Variants in DGKB observed in about 807,000 individuals in gnomAD.
DGKB encodes the protein diacylglycerol kinase beta.
Under a neutral mutation model 114.3 loss-of-function variants are expected in DGKB, and 67 were observed. The observed-to-expected ratio is 0.59, with a 90% CI of 0.48 to 0.72. DGKB has a LOEUF of 0.72. Among genes scored for constraint, DGKB ranks in the 30% least tolerant of loss-of-function variants. DGKB has a pLI of 0.00. For synonymous variants in DGKB, 398 were observed against 323.1 expected (o/e 1.23, Z -2.49); for missense variants, 907 against 975.2 (o/e 0.93, Z 0.93).
At chr7:14,470,014 T>C (rs1781042856) in intron 21 of DGKB, among the ~76,000 whole-genome samples, 1 of 151,938 alleles carries the variant, frequency 6.6e-6, no homozygotes, top group South Asian at 2.1e-4. Flanking sequence ...AAAACTGGCC[T>C]CATGATAATG....
chr7:14,544,724 A>G lies in DGKB; in HGVS notation c.1770+29488T>C, dbSNP rs534300735. ...AAAACATTGGAGTCTGGATAATAGT[A>G]ATGATAATAAAAACTTGACATGTTG... On this transcript the variant is annotated intron_variant, in intron 20 of 25. Coordinates refer to ENST00000402815, the MANE Select transcript of DGKB (RefSeq NM_001350709.2). 2.6e-5 allele frequency among the ~76,000 whole-genome samples: 4 copies of G among 152,314 alleles called. No homozygotes were observed. In the East Asian group the frequency reaches 7.7e-4, roughly 29 times the overall value.
intron 23 of DGKB, among the ~76,000 whole-genome samples, chr7:14,187,104 G>C (rs1307030478): frequency 6.6e-6 from 1 of 152,120 alleles, no homozygotes; most frequent in Non-Finnish European, 1.5e-5. Flanking sequence ...CCTTAAAATA[G>C]TCCAGCAAAC....
intron 13 of DGKB, among the ~76,000 whole-genome samples, chr7:14,644,622 G>A (rs1001292057): frequency 1.3e-4 from 20 of 152,032 alleles, no homozygotes; most frequent in African/African-American, 4.8e-4. Context: ...CTTAAAGACA[G>A]ATCTTTTGAA....
At chr7:14,305,482 T>A (rs1804315818) in intron 23 of DGKB, among the ~76,000 whole-genome samples, 5 of 152,128 alleles carry the variant, frequency 3.3e-5, no homozygotes, top group Admixed American at 3.3e-4. Flanking sequence ...AATAAGACAG[T>A]CATATTTAGG....
intron 20 of DGKB, among the ~76,000 whole-genome samples, chr7:14,570,317 T>C (rs990396047): frequency 3.9e-5 from 6 of 152,174 alleles, no homozygotes; most frequent in Admixed American, 2.0e-4. Flanking sequence ...TCATTTCTAT[T>C]ATAGCTTTCC....
chr7:14,217,983 T>A (rs1789276943), intron 23 of DGKB, among the ~76,000 whole-genome samples: 1 of 152,180 alleles, frequency 6.6e-6, no homozygotes, highest in Non-Finnish European at 1.5e-5. Context: ...CTAACTTGTT[T>A]GTTTCCTAGT....
Position 14,314,035 on chromosome 7 carries a change from A to G in DGKB, c.2122+24480T>C, listed in dbSNP as rs372196256. On this transcript the variant is annotated intron_variant, in intron 23 of 25. Transcript: ENST00000402815. ...CAGCAGGGGCACACTGACACCTCAC[A>G]CTGCAGGGTACTCCAACAGACCTGC... 6.6e-5 allele frequency among the ~76,000 whole-genome samples: 10 copies of G among 152,286 alleles called. No homozygotes were observed. The South Asian group carries it at 2.1e-3, about 32-fold the overall frequency.
At chr7:14,574,868 T>C (rs1002807693) in intron 19 of DGKB, among the ~76,000 whole-genome samples, 2 of 152,220 alleles carry the variant, frequency 1.3e-5, no homozygotes, top group East Asian at 1.9e-4. Context: ...GTCCTACTTT[T>C]TGTAAGCTTT....
chr7:14,686,187 C>T (rs1051509415), intron 9 of DGKB, among the ~76,000 whole-genome samples: 1 of 151,912 alleles, frequency 6.6e-6, no homozygotes, highest in Non-Finnish European at 1.5e-5. Flanking sequence ...TTATTTTTTT[C>T]TCTTCTCAGT....
intron 20 of DGKB, among the ~76,000 whole-genome samples, chr7:14,567,103 T>C (rs1797510847): frequency 8.5e-6 from 1 of 117,904 alleles, no homozygotes; most frequent in African/African-American, 3.2e-5. Flanking sequence ...TTTATATATA[T>C]GTTTATATAT....
chr7:14,260,519 T>C (rs1489095997), intron 23 of DGKB, among the ~76,000 whole-genome samples: 1 of 152,202 alleles, frequency 6.6e-6, no homozygotes, highest in Non-Finnish European at 1.5e-5. Context: ...ATGATCATCA[T>C]TTTATAAGAA....
At chr7:14,817,770 T>C (rs550437054) in intron 2 of DGKB, among the ~76,000 whole-genome samples, 1 of 152,334 alleles carries the variant, frequency 6.6e-6, no homozygotes, top group South Asian at 2.1e-4. Flanking sequence ...CTACTTAGTG[T>C]CTATTTCCAT....
At chr7:14,552,903 G>A (rs1248983706) in intron 20 of DGKB, among the ~76,000 whole-genome samples, 10 of 152,294 alleles carry the variant, frequency 6.6e-5, no homozygotes, top group Admixed American at 4.6e-4. Flanking sequence ...GTTATGGACC[G>A]GGAAAGCCAC....
intron 21 of DGKB, among the ~76,000 whole-genome samples, chr7:14,361,785 C>A (rs1211553219): frequency 6.6e-6 from 1 of 151,888 alleles, no homozygotes; most frequent in Non-Finnish European, 1.5e-5. Flanking sequence ...AGACGAATTC[C>A]AATTGGGAAT....
intron 21 of DGKB, among the ~76,000 whole-genome samples, chr7:14,460,874 T>C (rs1832978880): frequency 6.6e-6 from 1 of 152,004 alleles, no homozygotes; most frequent in African/African-American, 2.4e-5. Context: ...CCTCAGCACA[T>C]GCAAAAGAAC....
At chr7:14,673,300 A>T (rs1819298208) in intron 12 of DGKB, among the ~76,000 whole-genome samples, 2 of 152,004 alleles carry the variant, frequency 1.3e-5, no homozygotes, top group Non-Finnish European at 2.9e-5. Context: ...TTTTACACCA[A>T]AGAACCCTGA....
chr7:14,956,800 A>G (rs1272283381), intron 1 of DGKB, among the ~76,000 whole-genome samples: 1 of 151,912 alleles, frequency 6.6e-6, no homozygotes, highest in African/African-American at 2.4e-5. Context: ...ATTAAGGTGA[A>G]TTTTTGTTTG....
At chr7:14,240,516 C>G (rs1377865606) in intron 23 of DGKB, among the ~76,000 whole-genome samples, 1 of 152,048 alleles carries the variant, frequency 6.6e-6, no homozygotes, top group African/African-American at 2.4e-5. Context: ...ACTTCCAGAT[C>G]ATTATCAGAG....
At chr7:14,896,916 T>C (rs1782194018) in intron 1 of DGKB, among the ~76,000 whole-genome samples, 1 of 151,828 alleles carries the variant, frequency 6.6e-6, no homozygotes, top group African/African-American at 2.4e-5. Flanking sequence ...TCCATCTCAT[T>C]ATGAACAATC....
Sources: gnomAD v4.1 joint callset for allele counts (sites outside exome capture counted in the v4.1 genomes callset) on GRCh38, gnomAD v4.1.1 for gene constraint, MANE v1.5 for transcripts, NCBI Gene and HGNC (gene_info 2026-07-23, HGNC 2026-07-21) for gene names.